Variants in TESK2 observed in about 807,000 individuals in gnomAD.
TESK2 encodes the protein testis associated actin remodelling kinase 2, also known as dual specificity testis-specific protein kinase 2.
In TESK2, 39 loss-of-function variants were observed where a neutral mutation model predicts 57.1. That is an observed-to-expected ratio of 0.68 (90% CI 0.53 to 0.89). The LOEUF is 0.89. TESK2 is among the 40% of genes least tolerant of loss of function. The pLI is 0.00. For synonymous variants in TESK2, 249 were observed against 267.9 expected (o/e 0.93, Z 0.69); for missense variants, 646 against 732.1 (o/e 0.88, Z 1.36).
chr1:45,364,061 T>C (rs2149267899), intron 4 of TESK2, among the ~76,000 whole-genome samples: 1 of 152,296 alleles, frequency 6.6e-6, no homozygotes, highest in Non-Finnish European at 1.5e-5. Context: ...AGTTCTGGAA[T>C]ACCAAGATGA....
At chr1:45,478,390 G>A (rs1369159433) in intron 1 of TESK2, among the ~76,000 whole-genome samples, 2 of 152,122 alleles carry the variant, frequency 1.3e-5, no homozygotes, top group Non-Finnish European at 2.9e-5. Context: ...ACTGGACTAT[G>A]AGCTTCCAGA....
intron 2 of TESK2, among the ~76,000 whole-genome samples, chr1:45,429,959 AG>A (rs1650882616): frequency 6.6e-6 from 1 of 152,192 alleles, no homozygotes; most frequent in South Asian, 2.1e-4. Flanking sequence ...CTGACTATAA[AG>A]CCAAATTCTT....
chr1:45,404,453 G>A (rs1023685888), intron 3 of TESK2, among the ~76,000 whole-genome samples: 3 of 152,124 alleles, frequency 2.0e-5, no homozygotes, highest in African/African-American at 4.8e-5. Context: ...AGCACCTAAG[G>A]ACGTGTCAGA....
intron 3 of TESK2, among the ~76,000 whole-genome samples, chr1:45,407,585 G>A (rs959916967): frequency 2.7e-4 from 41 of 152,074 alleles, no homozygotes; most frequent in African/African-American, 8.9e-4. Context: ...TGAATCATGG[G>A]GACAGGTCTC....
intron 2 of TESK2, among the ~76,000 whole-genome samples, chr1:45,453,895 A>C (rs1181653076): frequency 1.3e-5 from 2 of 152,308 alleles, no homozygotes; most frequent in Non-Finnish European, 1.5e-5. Context: ...TATACAAAAA[A>C]GGTCAACAAG....
At chr1:45,482,043 A>C (rs560922646) in intron 1 of TESK2, among the ~76,000 whole-genome samples, 1 of 152,222 alleles carries the variant, frequency 6.6e-6, no homozygotes, top group African/African-American at 2.4e-5. Context: ...GTGTGATGCT[A>C]ATCGTCTCCA....
At chr1:45,406,828 C>T (rs1235298243) in intron 3 of TESK2, among the ~76,000 whole-genome samples, 1 of 152,034 alleles carries the variant, frequency 6.6e-6, no homozygotes, top group Non-Finnish European at 1.5e-5. Context: ...AAATAACAGT[C>T]CCCTACCCTG....
At chr1:45,389,778 GGTT>G (rs1649061735) in intron 3 of TESK2, among the ~76,000 whole-genome samples, 1 of 152,072 alleles carries the variant, frequency 6.6e-6, no homozygotes, top group African/African-American at 2.4e-5. Flanking sequence ...CACCTTAAAA[GGTT>G]GTTATGAGAA....
At chr1:45,484,001 A>T (rs898944998) in intron 1 of TESK2, among the ~76,000 whole-genome samples, 13 of 45,632 alleles carry the variant, frequency 2.8e-4, no homozygotes, top group Admixed American at 1.8e-3. Context: ...ATTCTGTCTT[A>T]AAAAAAAAAA....
rs780923086 is a variant in TESK2 at position 45,385,918 on chromosome 1, A to G, written c.387T>C (p.Leu129=). The G allele has an allele frequency of 7.5e-6, 12 of 1,605,792 alleles. No individual in the cohort carries two copies. In the South Asian group the frequency reaches 1.3e-4, roughly 18 times the overall value. Residue 129 remains leucine, a synonymous_variant, in exon 4 of 11, where the codon CTT becomes CTC. Coordinates refer to ENST00000372086, the MANE Select transcript of TESK2 (RefSeq NM_007170.3). ...ACACTTACTGATGTCTTACCTCTGT[A>G]AGTGCATGCAATTGTCCTTGATGAA... ...VCVHQGQLHA[L]TEYINSGNLE...
rs1557566565 is a variant in TESK2 at position 45,421,851 on chromosome 1, A to C, written c.223-5T>G. 1 of 1,613,828 alleles carries C rather than the reference A, an allele frequency of 6.2e-7. No homozygotes were observed. Among genetic ancestry groups the C allele is most frequent in the Admixed American group, 1.7e-5 (1 of 59,996 alleles). On this transcript the variant is annotated splice_polypyrimidine_tract_variant and splice_region_variant and intron_variant, in intron 2 of 10. Coordinates refer to ENST00000372086, the MANE Select transcript of TESK2 (RefSeq NM_007170.3). ...ACCAGAAGCTCGGTGTCGTACCTAG[A>C]ATATTAAATAGAACAAGAAAAGAGG...
chr1:45,478,777 G>A (rs1416289988), intron 1 of TESK2, among the ~76,000 whole-genome samples: 3 of 151,616 alleles, frequency 2.0e-5, no homozygotes, highest in Non-Finnish European at 4.4e-5. Context: ...AGGCTGGAGA[G>A]CAGTGGCACA....
chr1:45,390,291 A>AT (rs1257869674), intron 3 of TESK2, among the ~76,000 whole-genome samples: 3 of 152,006 alleles, frequency 2.0e-5, no homozygotes, highest in Non-Finnish European at 2.9e-5. Flanking sequence ...TAATAATTGT[A>AT]TTTTTTATAC....
chr1:45,392,078 T>TATTGATTG lies in TESK2; in HGVS notation c.345-6126_345-6119dup, dbSNP rs150751811. ...TCCTTCCCCAGACTGGAATATAAGG[T>TATTGATTG]ATTGATTGATTGATTGATTGACTGA... is the stretch of plus-strand genomic sequence containing the variant. On this transcript the variant is annotated intron_variant, in intron 3 of 10. Transcript: ENST00000372086. 2.0e-5 allele frequency among the ~76,000 whole-genome samples: 3 copies of TATTGATTG among 151,982 alleles called. 1 individual carries two copies. Among genetic ancestry groups the TATTGATTG allele is most frequent in the South Asian group, 4.1e-4 (2 of 4,822 alleles).
chr1:45,457,497 C>G, intron 2 of TESK2, 67 bp downstream of exon 2: 1 of 1,452,444 alleles, frequency 6.9e-7, no homozygotes, highest in East Asian at 2.3e-5. Flanking sequence ...TAATTAAACA[C>G]AACTATCAAC....
chr1:45,438,355 G>T (rs1651311949), intron 2 of TESK2, among the ~76,000 whole-genome samples: 1 of 152,048 alleles, frequency 6.6e-6, no homozygotes, highest in African/African-American at 2.4e-5. Flanking sequence ...AACTAGCCAG[G>T]CATGGTGGTA....
chr1:45,380,101 T>C (rs1249210098), intron 4 of TESK2, among the ~76,000 whole-genome samples: 1 of 152,152 alleles, frequency 6.6e-6, no homozygotes, highest in African/African-American at 2.4e-5. Flanking sequence ...AGTTTCACCA[T>C]GTTGGCCAGG....
Position 45,434,919 on chromosome 1 carries a change from G to A in TESK2, c.223-13073C>T, listed in dbSNP as rs1003980112. Among the ~76,000 whole-genome samples the A allele has an allele frequency of 2.0e-5, 3 of 150,160 alleles. No individual in the cohort carries two copies. The East Asian group carries it at 5.8e-4, about 29-fold the overall frequency. On this transcript the variant is annotated intron_variant, in intron 2 of 10. Transcript: ENST00000372086. Reference sequence around the variant, plus strand: ...GTCTTTGCCATAAAATCTTTGCCTAGACCAATGTCTTGAAGTGTTTCCTCT... The same window carrying A: ...GTCTTTGCCATAAAATCTTTGCCTAAACCAATGTCTTGAAGTGTTTCCTCT...
chr1:45,479,578 G>A (rs796984570), intron 1 of TESK2, among the ~76,000 whole-genome samples: 3 of 151,460 alleles, frequency 2.0e-5, no homozygotes, highest in African/African-American at 4.9e-5. Flanking sequence ...ACAGGCATGC[G>A]CCACCACGCC....
Sources: allele counts gnomAD v4.1 joint callset (sites outside exome capture counted in the v4.1 genomes callset), GRCh38; gene constraint gnomAD v4.1.1; transcripts MANE v1.5; gene names NCBI Gene and HGNC (gene_info 2026-07-23, HGNC 2026-07-21).